The following FAM133A variants were observed in gnomAD, a reference collection of about 807,000 sequenced individuals.
FAM133A encodes the protein protein FAM133A.
For missense variants in FAM133A, 159 were observed against 164.4 expected (o/e 0.97, Z 0.18); for synonymous variants, 65 against 58.6 (o/e 1.11, Z -0.50).
chrX:93,678,953 T>C (rs1366376676), intron 2 of FAM133A, among the ~76,000 whole-genome samples: 3 of 111,994 alleles, frequency 2.7e-5, no homozygotes, highest in Non-Finnish European at 5.6e-5. Context: ...CCTTGACCTT[T>C]CACTTCTGCT....
upstream of FAM133A, chrX:93,674,062 G>T (rs1229820111): frequency 1.9e-5 from 2 of 107,900 alleles, no homozygotes; most frequent in Non-Finnish European, 3.8e-5. Context: ...TGTGACTATG[G>T]ACGATTTAAA....
chrX:93,692,005 A>T (rs991445366), intron 2 of FAM133A, among the ~76,000 whole-genome samples: 9 of 111,139 alleles, frequency 8.1e-5, no homozygotes, highest in African/African-American at 2.9e-4. Flanking sequence ...TTTTTGGTTA[A>T]TTTCCAGAGT....
intron 2 of FAM133A, among the ~76,000 whole-genome samples, chrX:93,696,621 C>A (rs1926292158): frequency 9.0e-6 from 1 of 111,116 alleles, no homozygotes; most frequent in African/African-American, 3.3e-5. Context: ...CTGGAAATTG[C>A]TTAAGAGTAG....
chrX:93,701,271 G>A (rs1331664855), intron 3 of FAM133A, among the ~76,000 whole-genome samples: 1 of 111,505 alleles, frequency 9.0e-6, no homozygotes, highest in Non-Finnish European at 1.9e-5. Context: ...TTTGCATACT[G>A]GTCAAATCCA....
At chrX:93,675,345 C>A (rs1230883527) in intron 2 of FAM133A, among the ~76,000 whole-genome samples, 1 of 111,693 alleles carries the variant, frequency 9.0e-6, no homozygotes, top group African/African-American at 3.2e-5. Context: ...GTTTTGTAAT[C>A]TTTTCATTTA....
chrX:93,697,083 A>T (rs1202999390), intron 2 of FAM133A, among the ~76,000 whole-genome samples: 1 of 107,951 alleles, frequency 9.3e-6, no homozygotes, highest in Non-Finnish European at 1.9e-5. Context: ...GAAAATGTAA[A>T]CTCATGACAA....
chrX:93,679,021 A>G (rs776137843), intron 2 of FAM133A, among the ~76,000 whole-genome samples: 2 of 111,703 alleles, frequency 1.8e-5, no homozygotes, highest in Non-Finnish European at 3.8e-5. Flanking sequence ...AAAAGAAATA[A>G]CAAAAAGAAA....
At position 93,712,223 on chromosome X, in the gene FAM133A, A is replaced by C. The variant is rs1005939276; in HGVS notation, c.*2057A>C. 3 of 123,599 alleles carry C rather than the reference A, an allele frequency of 2.4e-5. No individual in the cohort carries two copies. The highest frequency in any genetic ancestry group is 9.7e-5 in the African/African-American group (3 of 30,892). 10.2% of individuals were successfully genotyped at this position (123,599 alleles called of 1,213,427 possible). ...CTGACTGGAGTGCTGATGGACTTGC[A>C]GTAAACTTTTTAAGTGTAAGAAATA... On this transcript the variant is annotated 3_prime_UTR_variant, in exon 4 of 4. Transcript: ENST00000683942.
intron 3 of FAM133A, among the ~76,000 whole-genome samples, chrX:93,707,356 G>A (rs1240639554): frequency 9.0e-6 from 1 of 111,328 alleles, no homozygotes; most frequent in East Asian, 2.8e-4. Context: ...TCACTGAAAT[G>A]TCTATAGCAT....
chrX:93,701,602 T>A (rs1248084664), intron 3 of FAM133A, among the ~76,000 whole-genome samples: 1 of 111,782 alleles, frequency 8.9e-6, no homozygotes, highest in Admixed American at 9.5e-5. Flanking sequence ...TCCCACTACA[T>A]CTGAACATAG....
At chrX:93,706,687 C>T (rs1009374220) in intron 3 of FAM133A, among the ~76,000 whole-genome samples, 8 of 111,654 alleles carry the variant, frequency 7.2e-5, no homozygotes, top group Admixed American at 1.9e-4. Context: ...TCTAATGTGT[C>T]GAGCCAGAGC....
intron 2 of FAM133A, among the ~76,000 whole-genome samples, chrX:93,698,050 T>C (rs1926422710): frequency 1.8e-5 from 2 of 111,124 alleles, no homozygotes; most frequent in African/African-American, 6.5e-5. Context: ...ATGATTAGAT[T>C]GAGGATAGAG....
At position 93,712,113 on chromosome X, in the gene FAM133A, T is replaced by G; in HGVS notation, c.*1947T>G. The G allele has an allele frequency of 8.1e-6, 1 of 123,256 alleles. No individual in the cohort carries two copies. The highest frequency in any genetic ancestry group is 9.5e-5 in the Admixed American group (1 of 10,531). The allele number at this position is 123,256 out of a possible 1,213,427, so 10.2% of individuals were successfully genotyped here. ...CCCTCCAGTTTTCTTTTGCCTGTCA[T>G]GGTGACCTGAAAGCAAGATGTTCCA... is the stretch of plus-strand genomic sequence containing the variant. On this transcript the variant is annotated 3_prime_UTR_variant, in exon 4 of 4. Transcript: ENST00000683942.
rs748664216 is a variant in FAM133A at position 93,679,385 on chromosome X, AT to A, written c.-193+4635del. ...ATTCCTATAATACAGATATACTCAA[AT>A]TAACAGAATATGGTATGTTGTTATA... On this transcript the variant is annotated intron_variant, in intron 2 of 3. Coordinates refer to ENST00000683942, the MANE Select transcript of FAM133A (RefSeq NM_001171109.2). Among the ~76,000 whole-genome samples the A allele has an allele frequency of 1.5e-4, 17 of 111,517 alleles. No individual in the cohort carries two copies. In the South Asian group the frequency reaches 6.3e-3, roughly 42 times the overall value.
At chrX:93,676,048 TTAGC>T (rs1924665032) in intron 2 of FAM133A, among the ~76,000 whole-genome samples, 1 of 111,376 alleles carries the variant, frequency 9.0e-6, no homozygotes, top group South Asian at 3.7e-4. Flanking sequence ...TTTATTTTTA[TTAGC>T]TAGCTAATTC....
chrX:93,706,483 G>A (rs1378958243), intron 3 of FAM133A, among the ~76,000 whole-genome samples: 1 of 111,646 alleles, frequency 9.0e-6, no homozygotes, highest in Non-Finnish European at 1.9e-5. Flanking sequence ...ATCACTCAGC[G>A]ACTGCCAGTT....
At chrX:93,700,421 C>T (rs1212586666) in intron 3 of FAM133A, among the ~76,000 whole-genome samples, 1 of 111,481 alleles carries the variant, frequency 9.0e-6, no homozygotes, top group Non-Finnish European at 1.9e-5. Context: ...GAATCACCTA[C>T]ATTCAGGTTA....
chrX:93,687,779 G>T (rs1470657828), intron 2 of FAM133A, among the ~76,000 whole-genome samples: 1 of 111,706 alleles, frequency 9.0e-6, no homozygotes, highest in Non-Finnish European at 1.9e-5. Context: ...TTGTAGCAAT[G>T]ACCAATCTCT....
intron 2 of FAM133A, among the ~76,000 whole-genome samples, chrX:93,684,785 T>A (rs1925404325): frequency 8.9e-6 from 1 of 112,188 alleles, no homozygotes; most frequent in Admixed American, 9.5e-5. Context: ...AACAAACATT[T>A]AACACAATAA....
Sources: allele counts gnomAD v4.1 joint callset (sites outside exome capture counted in the v4.1 genomes callset), GRCh38; gene constraint gnomAD v4.1.1; transcripts MANE v1.5; gene names NCBI Gene and HGNC (gene_info 2026-07-23, HGNC 2026-07-21).